The following USP25 variants were observed in gnomAD, a reference collection of about 807,000 sequenced individuals.
USP25 encodes ubiquitin carboxyl-terminal hydrolase 25.
USP25 carries 85 observed loss-of-function variants against 158.5 expected under a neutral mutation model. The observed-to-expected ratio is 0.54, with a 90% confidence interval of 0.45 to 0.64. The LOEUF (loss-of-function observed/expected upper bound fraction) is 0.64. Among genes scored for constraint, USP25 ranks in the 30% least tolerant of loss-of-function variants. The pLI is 0.00. For synonymous variants in USP25, 464 were observed against 460.4 expected, an observed-to-expected ratio of 1.01 and a Z score of -0.10; for missense variants, 1,242 against 1,327.3, an observed-to-expected ratio of 0.94 and a Z score of 1.00.
chr21:15,842,658 A>G, intron 18 of USP25, 118 bp downstream of exon 18: 1 of 1,303,586 alleles, frequency 7.7e-7, no homozygotes, highest in Non-Finnish European at 1.0e-6. Flanking sequence ...TGGCTCTGCC[A>G]TGGGCATGAT....
chr21:15,846,137 TATATATATATATATATATA>T (rs1246151794), intron 18 of USP25, among the ~76,000 whole-genome samples: 5 of 52,586 alleles, frequency 9.5e-5, no homozygotes, highest in South Asian at 6.8e-4. Context: ...TATATATATA[TATATATATATATATATATA>T]TATTTTTTTT....
At position 15,864,533 on chromosome 21, in the gene USP25, T is replaced by A. The variant is rs1334566768; in HGVS notation, c.2726+87T>A. 1.8e-5 allele frequency: 22 copies of A among 1,222,794 alleles called. 1 individual carries two copies. In the Admixed American group the frequency reaches 6.5e-4, roughly 36 times the overall value. The allele number at this position is 1,222,794 out of a possible 1,614,324, so 75.7% of individuals were successfully genotyped here. ...CCAGGATAATTTTTTGAGTATTTAT[T>A]TTATATATGCATGGGCACATATTTT... On this transcript the variant is annotated intron_variant, in intron 21 of 25. Coordinates refer to ENST00000400183, the MANE Select transcript of USP25 (RefSeq NM_001283041.3).
Position 15,824,178 on chromosome 21 carries a change from T to TA in USP25, c.1208+13dup. Reference sequence around the variant, plus strand: ...TTATATTTGGACAGGTATGGTTTGATATACTGCATGACTTAGTTTGAAACA... The same window carrying TA: ...TTATATTTGGACAGGTATGGTTTGATAATACTGCATGACTTAGTTTGAAACA... On this transcript the variant is annotated intron_variant, in intron 11 of 25. Transcript: ENST00000400183. 6.2e-7 allele frequency: 1 copy of TA among 1,610,388 alleles called. No homozygotes were observed. Among genetic ancestry groups the TA allele is most frequent in the Non-Finnish European group, 8.5e-7 (1 of 1,179,526 alleles).
chr21:15,778,352 T>C (rs968509863), intron 4 of USP25, among the ~76,000 whole-genome samples: 2 of 152,162 alleles, frequency 1.3e-5, no homozygotes, highest in African/African-American at 2.4e-5. Context: ...AGGGTCAGCA[T>C]CCTTTTTCTG....
chr21:15,847,522 G>A, intron 18 of USP25, 141 bp from the exon 19 acceptor site: 1 of 571,976 alleles, frequency 1.7e-6, no homozygotes, highest in South Asian at 2.4e-5. Context: ...AATAGTGCAT[G>A]TGCGTTGGAA....
chr21:15,753,336 C>T (rs565735219), intron 1 of USP25, among the ~76,000 whole-genome samples: 4 of 152,284 alleles, frequency 2.6e-5, no homozygotes, highest in East Asian at 1.9e-4. Context: ...GGTGAGAGCT[C>T]ATTCCTCACA....
chr21:15,864,917 TAGAG>T (rs1372215484), intron 21 of USP25, among the ~76,000 whole-genome samples: 1 of 152,076 alleles, frequency 6.6e-6, no homozygotes, highest in Non-Finnish European at 1.5e-5. Context: ...TCACCCTTAT[TAGAG>T]AATCACTGGA....
At chr21:15,743,741 C>A (rs1686626187) in intron 1 of USP25, among the ~76,000 whole-genome samples, 1 of 151,956 alleles carries the variant, frequency 6.6e-6, no homozygotes, top group South Asian at 2.1e-4. Context: ...GGGACCTGTC[C>A]CTGCCTGCCT....
At chr21:15,787,687 C>T (rs1200983097) in intron 4 of USP25, among the ~76,000 whole-genome samples, 2 of 151,672 alleles carry the variant, frequency 1.3e-5, no homozygotes, top group Non-Finnish European at 2.9e-5. Flanking sequence ...TTTGTTTTTG[C>T]TTTTTTAGGA....
intron 4 of USP25, among the ~76,000 whole-genome samples, chr21:15,780,947 C>T (rs960207984): frequency 1.3e-5 from 2 of 152,092 alleles, no homozygotes; most frequent in Admixed American, 1.3e-4. Flanking sequence ...GAAGGGCCAT[C>T]GAATAACCAT....
chr21:15,815,247 C>A (rs1014672048), intron 9 of USP25, among the ~76,000 whole-genome samples: 3 of 152,174 alleles, frequency 2.0e-5, no homozygotes, highest in African/African-American at 7.2e-5. Flanking sequence ...GCCTGGATGT[C>A]CAGGCAGAAG....
At chr21:15,765,000 T>C (rs977744070) in intron 2 of USP25, among the ~76,000 whole-genome samples, 1 of 152,124 alleles carries the variant, frequency 6.6e-6, no homozygotes, top group South Asian at 2.1e-4. Context: ...TTGGATGCTG[T>C]CTTCTGCCCT....
chr21:15,751,893 C>G (rs770743885), intron 1 of USP25, among the ~76,000 whole-genome samples: 5 of 152,092 alleles, frequency 3.3e-5, no homozygotes, highest in Admixed American at 1.3e-4. Flanking sequence ...TTTATTTTAT[C>G]TACTAATTAA....
intron 1 of USP25, among the ~76,000 whole-genome samples, chr21:15,755,027 A>T (rs1394929867): frequency 6.6e-6 from 1 of 152,146 alleles, no homozygotes; most frequent in Non-Finnish European, 1.5e-5. Flanking sequence ...GTGTGTGATT[A>T]CTCACTTTAA....
At chr21:15,749,928 A>G (rs1329964557) in intron 1 of USP25, among the ~76,000 whole-genome samples, 4 of 152,170 alleles carry the variant, frequency 2.6e-5, no homozygotes, top group East Asian at 1.9e-4. Flanking sequence ...TGTTCCTGGC[A>G]TGGAGCCCCT....
At chr21:15,745,809 A>AT (rs1312055623) in intron 1 of USP25, among the ~76,000 whole-genome samples, 1 of 151,794 alleles carries the variant, frequency 6.6e-6, no homozygotes, top group African/African-American at 2.4e-5. Context: ...TAGTTTGTAA[A>AT]TTTTTTCTCC....
chr21:15,768,534 C>T lies in USP25; in HGVS notation c.268+2393C>T, dbSNP rs554977671. Among the ~76,000 whole-genome samples, 364 of 151,914 alleles carry T rather than the reference C, an allele frequency of 2.4e-3. 3 individuals are homozygous for T. The highest frequency in any genetic ancestry group is 8.1e-3 in the African/African-American group (336 of 41,422). On this transcript the variant is annotated intron_variant, in intron 3 of 25. Coordinates refer to ENST00000400183, the MANE Select transcript of USP25 (RefSeq NM_001283041.3). ...AGTTACTGTTGAGAAGAAATGAAGT[C>T]GTGTATTTTTAATTCTTGGAAGATG...
At chr21:15,779,222 G>A (rs781587426) in intron 4 of USP25, among the ~76,000 whole-genome samples, 4 of 151,906 alleles carry the variant, frequency 2.6e-5, no homozygotes, top group East Asian at 1.9e-4. Context: ...CAAAAAATAC[G>A]TAGTTAGGCT....
intron 5 of USP25, among the ~76,000 whole-genome samples, chr21:15,799,258 G>A (rs1310270056): frequency 4.0e-5 from 6 of 151,080 alleles, no homozygotes; most frequent in South Asian, 2.1e-4. Context: ...TTGAAGTCAC[G>A]ACATTTCTAT....
Sources: allele counts gnomAD v4.1 joint callset (sites outside exome capture counted in the v4.1 genomes callset), GRCh38; gene constraint gnomAD v4.1.1; transcripts MANE v1.5; gene names NCBI Gene and HGNC (gene_info 2026-07-23, HGNC 2026-07-21).